The following KY variants were observed in gnomAD, a reference collection of about 807,000 sequenced individuals.
KY encodes the protein kyphoscoliosis peptidase.
A neutral mutation model predicts 76.1 loss-of-function variants in KY; 43 were observed. The ratio of observed to expected loss-of-function variants is 0.57; its 90% CI spans 0.44 to 0.73. The LOEUF (loss-of-function observed/expected upper bound fraction) is 0.73. Among genes scored for constraint, KY ranks in the 30% least tolerant of loss-of-function variants. The pLI is 0.00. For synonymous variants in KY, 277 were observed against 326.2 expected (o/e 0.85, Z 1.63); for missense variants, 722 against 828.9 (o/e 0.87, Z 1.58).
chr3:134,607,758 G>A, intron 10 of KY: 2 of 986,166 alleles, frequency 2.0e-6, no homozygotes, highest in South Asian at 4.7e-5. Flanking sequence ...GAGAGCACAT[G>A]TCAGCCCAGG....
chr3:134,646,434 C>G (rs1966447806), intron 2 of KY, among the ~76,000 whole-genome samples: 1 of 152,158 alleles, frequency 6.6e-6, no homozygotes, highest in Admixed American at 6.5e-5. Flanking sequence ...CATTATAATT[C>G]CAATCATTTT....
intron 2 of KY, among the ~76,000 whole-genome samples, chr3:134,646,058 G>C (rs1966401422): frequency 6.6e-6 from 1 of 152,174 alleles, no homozygotes; most frequent in African/African-American, 2.4e-5. Flanking sequence ...GTTTCCACCT[G>C]TGGCTTGCTT....
chr3:134,607,023 AG>A (rs2107750580), intron 10 of KY: 1 of 984,640 alleles, frequency 1.0e-6, no homozygotes, highest in Admixed American at 6.1e-5. Context: ...AATCATATTT[AG>A]GTTTAGATTT....
At chr3:134,641,422 C>T (rs1965746188) in intron 3 of KY, 1 of 152,106 alleles carries the variant, frequency 6.6e-6, no homozygotes, top group South Asian at 2.1e-4. Flanking sequence ...CAGGGAGAGT[C>T]AGCTATTTAT....
In KY at chr3:134,604,348, G is replaced by A. The variant is rs1959101554; in HGVS notation, c.1217C>T (p.Pro406Leu). The change falls in exon 11 of 11, where the codon CCT becomes CTT. Residue 406 changes from proline to leucine, a missense_variant. This residue lies in a region of KY where 552 missense variants were observed against 680.9 expected (regional missense o/e 0.81). Transcript: ENST00000423778. ...RKNGMKLEVY[P>L]PTMGTHKLQI... Reference sequence around the variant, plus strand: ...CAGCTTGTGAGTGCCCATGGTTGGAGGGTACACCTCCAACTTCATCCCATT... The same window carrying A: ...CAGCTTGTGAGTGCCCATGGTTGGAAGGTACACCTCCAACTTCATCCCATT... 1.2e-6 allele frequency: 2 copies of A among 1,613,972 alleles called. No homozygotes were observed. The highest frequency in any genetic ancestry group is 1.7e-6 in the Non-Finnish European group (2 of 1,179,862).
intron 7 of KY, among the ~76,000 whole-genome samples, chr3:134,620,260 C>A (rs77869358): frequency 1.3e-5 from 2 of 152,286 alleles, no homozygotes; most frequent in Admixed American, 6.5e-5. Flanking sequence ...TTGGAGACTG[C>A]GCTGGGACCA....
rs1958998512 is a variant in KY at position 134,602,212 on chromosome 3, T to C, written c.*1367A>G. Among the ~76,000 whole-genome samples, 1 of 152,054 alleles carries C rather than the reference T, an allele frequency of 6.6e-6. No individual in the cohort carries two copies. Among genetic ancestry groups the C allele is most frequent in the Non-Finnish European group, 1.5e-5 (1 of 67,980 alleles). On this transcript the variant is annotated 3_prime_UTR_variant, in exon 11 of 11. Transcript: ENST00000423778. ...CAGGGAGCATGTCTGTGTGCCAGGA[T>C]GGTTCTGCAGTGGCCATGTGGGGCC... is the stretch of plus-strand genomic sequence containing the variant.
At position 134,620,753 on chromosome 3, in the gene KY, G is replaced by C. The variant is rs1326448666; in HGVS notation, c.588C>G (p.His196Gln). Residue 196 changes from histidine to glutamine, a missense_variant, in exon 7 of 11, where the codon CAC (histidine) becomes CAG (glutamine). Physicochemically the swap from His to Gln is conservative, Grantham distance 24 (BLOSUM62 0). This residue lies in a region of KY where 552 missense variants were observed against 680.9 expected (regional missense o/e 0.81). Transcript: ENST00000423778. ...AAATTCCACAGGGGGGCCTACCTATGTGATGGCAGATCCAGATCCAGATGG... is the reference window on the plus strand; with the variant it reads ...AAATTCCACAGGGGGGCCTACCTATCTGATGGCAGATCCAGATCCAGATGG... The part of the protein sequence containing the change: ...VRAIWIWICH[H>Q]IEYDIAAAQE... The C allele has an allele frequency of 6.2e-7, 1 of 1,612,402 alleles. No individual in the cohort carries two copies. The highest frequency in any genetic ancestry group is 1.7e-5 in the Admixed American group (1 of 59,944).
intron 8 of KY, among the ~76,000 whole-genome samples, chr3:134,617,574 T>G (rs1193054637): frequency 2.0e-5 from 3 of 152,230 alleles, no homozygotes; most frequent in Non-Finnish European, 4.4e-5. Context: ...CAGTGTTAGC[T>G]GTAAGTGGTG....
intron 3 of KY, among the ~76,000 whole-genome samples, chr3:134,632,475 G>A (rs1018302807): frequency 2.6e-5 from 4 of 151,944 alleles, no homozygotes; most frequent in Non-Finnish European, 4.4e-5. Context: ...AAATGTCCAA[G>A]TATTAAAAAT....
chr3:134,607,074 C>T, intron 10 of KY: 1 of 985,394 alleles, frequency 1.0e-6, no homozygotes, highest in Non-Finnish European at 1.2e-6. Context: ...TTTTATGTCT[C>T]TTAAAAAGGC....
chr3:134,617,397 C>G (rs1357819075), intron 8 of KY, among the ~76,000 whole-genome samples: 1 of 152,106 alleles, frequency 6.6e-6, no homozygotes, highest in East Asian at 1.9e-4. Flanking sequence ...TGAGGGCCTA[C>G]TGGGTGTAGG....
chr3:134,640,805 A>C (rs930300652), intron 3 of KY, among the ~76,000 whole-genome samples: 3 of 152,042 alleles, frequency 2.0e-5, no homozygotes, highest in African/African-American at 7.2e-5. Flanking sequence ...GTATACCCCA[A>C]ATCCACACCA....
Position 134,627,712 on chromosome 3 carries a change from C to T in KY, c.400+44G>A, listed in dbSNP as rs370728821. The T allele has an allele frequency of 1.7e-5, 27 of 1,559,562 alleles. No homozygotes were observed. In the African/African-American group the frequency reaches 3.7e-4, roughly 21 times the overall value. Reference sequence around the variant, plus strand: ...GGAGATTAGTCTATGAGGCTAAACCCATGTGCTCTCTTGAGAATTGTCCTG... The same window carrying T: ...GGAGATTAGTCTATGAGGCTAAACCTATGTGCTCTCTTGAGAATTGTCCTG... On this transcript the variant is annotated intron_variant, in intron 5 of 10. Coordinates refer to ENST00000423778, the MANE Select transcript of KY (RefSeq NM_178554.6).
chr3:134,627,648 A>G, intron 5 of KY, 108 bp downstream of exon 5: 2 of 941,618 alleles, frequency 2.1e-6, no homozygotes, highest in Non-Finnish European at 3.4e-6. Context: ...AGGTGGCCCC[A>G]GCCTCTCAGC....
At position 134,613,262 on chromosome 3, in the gene KY, A is replaced by G. The variant is rs937598723; in HGVS notation, c.711-2879T>C. 5.2e-5 allele frequency: 8 copies of G among 154,182 alleles called. No individual in the cohort carries two copies. In the Admixed American group the frequency reaches 5.2e-4, roughly 10 times the overall value. The allele number at this position is 154,182 out of a possible 1,614,324, so 9.6% of individuals were successfully genotyped here. ...CAGCCTCCAGGCGGTGGGGTAAATCAGAATGGGTATGGAATGTCCTCCTGG... is the reference window on the plus strand; with the variant it reads ...CAGCCTCCAGGCGGTGGGGTAAATCGGAATGGGTATGGAATGTCCTCCTGG... On this transcript the variant is annotated intron_variant, in intron 8 of 10. Transcript: ENST00000423778.
intron 10 of KY, among the ~76,000 whole-genome samples, chr3:134,605,019 C>A (rs1003864001): frequency 6.6e-6 from 1 of 152,190 alleles, no homozygotes; most frequent in Non-Finnish European, 1.5e-5. Context: ...CCACCTCCCC[C>A]ACCCCATGCT....
At chr3:134,627,908 T>G in intron 4 of KY, 90 bp from the exon 5 acceptor site, 1 of 979,538 alleles carries the variant, frequency 1.0e-6, no homozygotes, top group East Asian at 2.4e-5. Context: ...GTCCTTGCTT[T>G]TGACCCCTCC....
In KY at chr3:134,619,543, G is replaced by A. The variant is rs570711780; in HGVS notation, c.593-278C>T. Among the ~76,000 whole-genome samples, 419 of 152,326 alleles carry A rather than the reference G, an allele frequency of 2.8e-3. 1 individual carries two copies. Among genetic ancestry groups the A allele is most frequent in the African/African-American group, 9.7e-3 (404 of 41,574 alleles). On this transcript the variant is annotated intron_variant, in intron 7 of 10. Transcript: ENST00000423778. ...GACCAGGACAGTGCAGAGGCATGGG[G>A]CTCTCTCTGCTAATCCCCACCACAC... is the stretch of plus-strand genomic sequence containing the variant.
Sources: gnomAD v4.1 joint callset for allele counts (sites outside exome capture counted in the v4.1 genomes callset) on GRCh38, gnomAD v4.1.1 for gene constraint, gnomAD v4.1.1 regional missense constraint, MANE v1.5 for transcripts, NCBI Gene and HGNC (gene_info 2026-07-23, HGNC 2026-07-21) for gene names.